The following ZHX2 variants were observed in gnomAD, a reference collection of about 807,000 sequenced individuals.
ZHX2 encodes zinc fingers and homeoboxes 2.
ZHX2 carries 6 observed loss-of-function variants against 21.9 expected under a neutral mutation model. That is an observed-to-expected ratio of 0.27 (90% CI 0.15 to 0.54). ZHX2 has a LOEUF of 0.54. ZHX2 is among the 20% of genes least tolerant of loss of function. The pLI is 0.95. For missense variants in ZHX2, 908 were observed against 1,090.7 expected, an observed-to-expected ratio of 0.83 and a Z score of 2.36; for synonymous variants, 434 against 437.1, an observed-to-expected ratio of 0.99 and a Z score of 0.09.
At chr8:122,940,998 G>A (rs1350619271) in intron 2 of ZHX2, among the ~76,000 whole-genome samples, 1 of 151,798 alleles carries the variant, frequency 6.6e-6, no homozygotes, top group Non-Finnish European at 1.5e-5. Flanking sequence ...GGGAGGCTGA[G>A]GCAGGGGGAT....
At chr8:122,848,663 G>C (rs924885211) in intron 1 of ZHX2, among the ~76,000 whole-genome samples, 1 of 152,196 alleles carries the variant, frequency 6.6e-6, no homozygotes, top group Non-Finnish European at 1.5e-5. Context: ...GTTTTGCCTG[G>C]ATTCCCATAT....
At chr8:122,884,252 G>A (rs1219317694) in intron 2 of ZHX2, among the ~76,000 whole-genome samples, 3 of 152,238 alleles carry the variant, frequency 2.0e-5, no homozygotes, top group Admixed American at 6.5e-5. Context: ...GTGCTGTTAT[G>A]TGGGGCATGA....
At chr8:122,858,842 TG>T (rs1372254741) in intron 1 of ZHX2, among the ~76,000 whole-genome samples, 1 of 152,082 alleles carries the variant, frequency 6.6e-6, no homozygotes, top group Non-Finnish European at 1.5e-5. Flanking sequence ...GATTTCACCA[TG>T]TTGGCCAGGC....
chr8:122,802,220 C>A (rs1311951912), intron 1 of ZHX2, among the ~76,000 whole-genome samples: 2 of 152,136 alleles, frequency 1.3e-5, no homozygotes, highest in African/African-American at 4.8e-5. Flanking sequence ...TGTACCACCA[C>A]CCCAGCTAAT....
Position 122,951,672 on chromosome 8 carries a change from T to C in ZHX2, c.162T>C (p.Ser54=), listed in dbSNP as rs751551080. 1.2e-6 allele frequency: 2 copies of C among 1,613,990 alleles called. No homozygotes were observed. The highest frequency in any genetic ancestry group is 2.2e-5 in the South Asian group (2 of 91,032). ...KDSWAAELEN[S]SKENEVIEVK... is the part of the protein sequence containing the mutation. ...GTTGGGCAGCAGAACTTGAAAACTC[T>C]TCCAAAGAAAACGAAGTGATAGAGG... is the stretch of plus-strand genomic sequence containing the variant. Residue 54 remains serine, a synonymous_variant, in exon 3 of 4, where the codon TCT becomes TCC. Coordinates refer to ENST00000314393, the MANE Select transcript of ZHX2 (RefSeq NM_014943.5).
At chr8:122,969,250 T>C (rs1278083561) in intron 3 of ZHX2, among the ~76,000 whole-genome samples, 2 of 151,794 alleles carry the variant, frequency 1.3e-5, no homozygotes, top group Middle Eastern at 3.2e-3. Flanking sequence ...CAGGGGGATG[T>C]GGGGAATTTT....
In ZHX2 at chr8:122,953,955, G is replaced by A. The variant is rs749489182; in HGVS notation, c.2445G>A (p.Ala815=). ...SDRSDSWSQA[A]AEGVSELAES... is the part of the protein sequence containing the mutation. ...GATCAGATAGCTGGAGTCAGGCTGC[G>A]GCAGAAGGTGTGTCGGAACTGGCTG... The change falls in exon 3 of 4, where the codon GCG becomes GCA. Residue 815 remains alanine, a synonymous_variant. Coordinates refer to ENST00000314393, the MANE Select transcript of ZHX2 (RefSeq NM_014943.5). The surrounding 1 kb of genome is among the most constrained non-coding windows in gnomAD (Gnocchi z 4.6). 2.4e-5 allele frequency: 38 copies of A among 1,613,966 alleles called. No individual in the cohort carries two copies. The South Asian group carries it at 3.1e-4, about 13-fold the overall frequency.
chr8:122,930,862 G>A (rs58422031), intron 2 of ZHX2, among the ~76,000 whole-genome samples: 3,428 of 151,994 alleles, frequency 0.023, 119 homozygotes, highest in African/African-American at 0.079. Flanking sequence ...TAGGGGGACC[G>A]GCTGGCACAC....
chr8:122,858,272 A>T (rs530649526), intron 1 of ZHX2, among the ~76,000 whole-genome samples: 1 of 152,188 alleles, frequency 6.6e-6, no homozygotes, highest in South Asian at 2.1e-4. Context: ...TTTTTACTAG[A>T]CCTGGAGCTT....
chr8:122,894,730 G>T (rs1312686837), intron 2 of ZHX2, among the ~76,000 whole-genome samples: 1 of 151,976 alleles, frequency 6.6e-6, no homozygotes, highest in Non-Finnish European at 1.5e-5. Context: ...ACACCAACAT[G>T]GCACATGTAT....
At chr8:122,889,722 A>G (rs948665919) in intron 2 of ZHX2, among the ~76,000 whole-genome samples, 2 of 152,222 alleles carry the variant, frequency 1.3e-5, no homozygotes, top group Non-Finnish European at 2.9e-5. Flanking sequence ...CAACCAAATA[A>G]AAACAGAAAA....
At chr8:122,795,850 C>T (rs1817603365) in intron 1 of ZHX2, among the ~76,000 whole-genome samples, 1 of 152,278 alleles carries the variant, frequency 6.6e-6, no homozygotes, top group East Asian at 1.9e-4. Flanking sequence ...TGTCACAGTG[C>T]TGGACTGTTA....
rs145576562 is a variant in ZHX2, at chr8:122,805,955, C to T, written c.-283+24009C>T. ...CCTCTACCTTGTTGCCAGAATAGTG[C>T]CCCATCTTTCTTGAGTCTGGTTAAT... On this transcript the variant is annotated intron_variant, in intron 1 of 3. Transcript: ENST00000314393. 8.5e-4 allele frequency among the ~76,000 whole-genome samples: 129 copies of T among 152,320 alleles called. 1 individual carries two copies. The highest frequency in any genetic ancestry group is 3.0e-3 in the African/African-American group (126 of 41,564).
chr8:122,780,929 C>A (rs1446775478), upstream of ZHX2: 1 of 152,204 alleles, frequency 6.6e-6, no homozygotes, highest in Non-Finnish European at 1.5e-5. Context: ...CAGCCTCAGA[C>A]CTGGCGCGGG....
Position 122,839,895 on chromosome 8 carries a change from G to A in ZHX2, c.-282-23582G>A, listed in dbSNP as rs189079272. ...GTTGTGGAGAAGGTGGACATTGATGGGACCCTCTATTCTGAGCTAGATCTG... is the reference window on the plus strand; with the variant it reads ...GTTGTGGAGAAGGTGGACATTGATGAGACCCTCTATTCTGAGCTAGATCTG... On this transcript the variant is annotated intron_variant, in intron 1 of 3. Transcript: ENST00000314393. 3.2e-3 allele frequency among the ~76,000 whole-genome samples: 483 copies of A among 152,240 alleles called. 3 individuals are homozygous for A. The highest frequency in any genetic ancestry group is 0.01 in the Middle Eastern group (3 of 294).
intron 2 of ZHX2, among the ~76,000 whole-genome samples, chr8:122,865,986 G>A (rs894050743): frequency 6.6e-6 from 1 of 152,158 alleles, no homozygotes; most frequent in Non-Finnish European, 1.5e-5. Context: ...GTCCCTCCTG[G>A]TTGAAAGCGG....
intron 1 of ZHX2, among the ~76,000 whole-genome samples, chr8:122,792,298 T>G (rs1028022382): frequency 6.6e-6 from 1 of 152,246 alleles, no homozygotes; most frequent in Non-Finnish European, 1.5e-5. Flanking sequence ...ATCCGCGTTG[T>G]AGCATGTATT....
intron 1 of ZHX2, among the ~76,000 whole-genome samples, chr8:122,842,289 T>C (rs11782180): frequency 0.56 from 84,701 of 152,090 alleles, 23,687 homozygotes; most frequent in Middle Eastern, 0.66. Flanking sequence ...GGGCCCCCAG[T>C]CCTACCAGGC....
intron 1 of ZHX2, among the ~76,000 whole-genome samples, chr8:122,809,759 A>C (rs11783327): frequency 0.62 from 94,483 of 151,994 alleles, 29,719 homozygotes; most frequent in African/African-American, 0.7. Flanking sequence ...AGTTCGAATC[A>C]TGGCTTTGCC....
Sources: allele counts gnomAD v4.1 joint callset (sites outside exome capture counted in the v4.1 genomes callset), GRCh38; gene constraint gnomAD v4.1.1; non-coding constraint Gnocchi (gnomAD v3.1); transcripts MANE v1.5; gene names NCBI Gene and HGNC (gene_info 2026-07-23, HGNC 2026-07-21).